Variants in TMEM163 observed in about 807,000 individuals in gnomAD.
TMEM163 encodes transmembrane protein 163.
TMEM163 carries 17 observed loss-of-function variants against 29.3 expected under a neutral mutation model. The observed-to-expected ratio is 0.58, with a 90% confidence interval of 0.40 to 0.87. The LOEUF (loss-of-function observed/expected upper bound fraction) is 0.87. Ranked by LOEUF, TMEM163 falls within the 40% of genes least tolerant of loss-of-function variation. The pLI is 0.00. For missense variants in TMEM163, 303 were observed against 381.5 expected, an observed-to-expected ratio of 0.79 and a Z score of 1.71; for synonymous variants, 157 against 160.6, an observed-to-expected ratio of 0.98 and a Z score of 0.17.
At chr2:134,571,018 T>C (rs1681409864) in intron 2 of TMEM163, among the ~76,000 whole-genome samples, 1 of 152,234 alleles carries the variant, frequency 6.6e-6, no homozygotes, top group Admixed American at 6.5e-5. Flanking sequence ...TGCTACCACA[T>C]ACATATGTCT....
chr2:134,718,962 G>T lies in TMEM163; in HGVS notation c.-27C>A. The T allele has an allele frequency of 9.7e-7, 1 of 1,029,552 alleles. No homozygotes were observed. The highest frequency in any genetic ancestry group is 1.2e-6 in the Non-Finnish European group (1 of 860,418). 63.8% of individuals were successfully genotyped at this position (1,029,552 alleles called of 1,614,324 possible). A position where few individuals can be genotyped will look rare whatever the true frequency, so the allele number is the denominator to read the frequency against. On this transcript the variant is annotated 5_prime_UTR_variant, in exon 1 of 8. Coordinates refer to ENST00000281924, the MANE Select transcript of TMEM163 (RefSeq NM_030923.5). ...GCGCGGGGCTGCGGATCCCGGCGGC[G>T]GCGACGACAAGCGCGGCGGGGACTC...
chr2:134,524,346 C>T (rs507413), intron 4 of TMEM163, among the ~76,000 whole-genome samples: 65,996 of 141,000 alleles, frequency 0.47, 17,699 homozygotes, highest in African/African-American at 0.65. Flanking sequence ...ATATCGATAA[C>T]ATTTAATGCT....
At chr2:134,458,812 G>C (rs79233661) in intron 6 of TMEM163, 12,083 of 152,364 alleles carry the variant, frequency 0.079, 818 homozygotes, top group African/African-American at 0.18. Context: ...CCCTCCAGAA[G>C]AGAAATGTAA....
intron 2 of TMEM163, among the ~76,000 whole-genome samples, chr2:134,576,884 G>T (rs1430428157): frequency 1.3e-5 from 2 of 152,140 alleles, no homozygotes. Context: ...ATTAAACACA[G>T]ACATTAATAT....
intron 4 of TMEM163, among the ~76,000 whole-genome samples, chr2:134,509,109 G>C (rs1034231291): frequency 9.2e-5 from 14 of 152,210 alleles, no homozygotes; most frequent in African/African-American, 3.4e-4. Flanking sequence ...TAAATGATTA[G>C]TCTCTAGAGC....
chr2:134,496,017 A>C (rs1388623094), intron 5 of TMEM163, among the ~76,000 whole-genome samples: 3 of 151,950 alleles, frequency 2.0e-5, no homozygotes, highest in African/African-American at 4.8e-5. Context: ...AGTCGGTTAG[A>C]TCTATAACGA....
In TMEM163 at chr2:134,712,306, A is replaced by G. The variant is rs138475453; in HGVS notation, c.322+894T>C. 1.8e-3 allele frequency among the ~76,000 whole-genome samples: 274 copies of G among 152,334 alleles called. 1 individual carries two copies. Among genetic ancestry groups the G allele is most frequent in the African/African-American group, 6.4e-3 (267 of 41,574 alleles). Reference sequence around the variant, plus strand: ...CCCTTGCAGAATAGAATTTTAAACAACACACACACATAGCTTGTCTTCTAG... The same window carrying G: ...CCCTTGCAGAATAGAATTTTAAACAGCACACACACATAGCTTGTCTTCTAG... On this transcript the variant is annotated intron_variant, in intron 2 of 7. Coordinates refer to ENST00000281924, the MANE Select transcript of TMEM163 (RefSeq NM_030923.5).
At chr2:134,713,528 T>C (rs1573557573) in intron 1 of TMEM163, 14 of 727,490 alleles carry the variant, frequency 1.9e-5, no homozygotes, top group South Asian at 1.9e-4. Context: ...TCTGACAATA[T>C]GGGCCGTGTA....
intron 4 of TMEM163, among the ~76,000 whole-genome samples, chr2:134,549,302 G>A (rs1477417094): frequency 1.3e-5 from 2 of 152,162 alleles, no homozygotes; most frequent in Non-Finnish European, 2.9e-5. Flanking sequence ...GCCTCAAAGA[G>A]GTATTGCAAC....
intron 5 of TMEM163, chr2:134,466,748 A>T (rs551823581): frequency 6.5e-6 from 1 of 153,618 alleles, no homozygotes; most frequent in Admixed American, 6.5e-5. Flanking sequence ...GAGAGTTCAT[A>T]GACATGGGTA....
At chr2:134,716,386 A>G (rs1298969782) in intron 1 of TMEM163, among the ~76,000 whole-genome samples, 1 of 152,216 alleles carries the variant, frequency 6.6e-6, no homozygotes, top group African/African-American at 2.4e-5. Flanking sequence ...CATCATTTCT[A>G]AGGCGCAAAT....
At chr2:134,657,913 T>C (rs1161457275) in intron 2 of TMEM163, among the ~76,000 whole-genome samples, 1 of 152,150 alleles carries the variant, frequency 6.6e-6, no homozygotes, top group Non-Finnish European at 1.5e-5. Context: ...CTATGCTCAT[T>C]ACCTGGGTGA....
chr2:134,533,523 T>C lies in TMEM163; in HGVS notation c.458+17047A>G, dbSNP rs556347061. On this transcript the variant is annotated intron_variant, in intron 4 of 7. Coordinates refer to ENST00000281924, the MANE Select transcript of TMEM163 (RefSeq NM_030923.5). ...TAACATTCATATTAATTGAAACATA[T>C]TGGTTCTACAAATATGTGCCACTGT... 2.6e-5 allele frequency among the ~76,000 whole-genome samples: 4 copies of C among 152,338 alleles called. No individual in the cohort carries two copies. The South Asian group carries it at 6.2e-4, about 24-fold the overall frequency.
chr2:134,675,246 C>A (rs1684090464), intron 2 of TMEM163, among the ~76,000 whole-genome samples: 1 of 152,118 alleles, frequency 6.6e-6, no homozygotes, highest in African/African-American at 2.4e-5. Flanking sequence ...AAAATACACA[C>A]CAAATATTAG....
chr2:134,647,912 G>C (rs185695704), intron 2 of TMEM163, among the ~76,000 whole-genome samples: 28 of 152,312 alleles, frequency 1.8e-4, no homozygotes, highest in Non-Finnish European at 3.8e-4. Context: ...GCATCTAGGA[G>C]GGTGCCCACG....
chr2:134,674,638 G>A (rs866483942), intron 2 of TMEM163, among the ~76,000 whole-genome samples: 5 of 152,052 alleles, frequency 3.3e-5, no homozygotes, highest in Admixed American at 6.5e-5. Context: ...GATTACAGGC[G>A]TGAGCCACTG....
chr2:134,488,285 G>A (rs948636819), intron 5 of TMEM163, among the ~76,000 whole-genome samples: 1 of 152,170 alleles, frequency 6.6e-6, no homozygotes, highest in Non-Finnish European at 1.5e-5. Context: ...GCCTCCCAAA[G>A]TAAAAAGAGA....
intron 2 of TMEM163, among the ~76,000 whole-genome samples, chr2:134,691,403 A>G (rs942941540): frequency 5.3e-5 from 8 of 152,012 alleles, no homozygotes; most frequent in Non-Finnish European, 8.8e-5. Context: ...CCATTCTCCA[A>G]TCCGGGTTTC....
At chr2:134,699,168 A>AT (rs1684642319) in intron 2 of TMEM163, among the ~76,000 whole-genome samples, 1 of 152,180 alleles carries the variant, frequency 6.6e-6, no homozygotes, top group Non-Finnish European at 1.5e-5. Context: ...CAATTATTTT[A>AT]TTTTCTAGTA....
Sources: gnomAD v4.1 joint callset for allele counts (sites outside exome capture counted in the v4.1 genomes callset) on GRCh38, gnomAD v4.1.1 for gene constraint, MANE v1.5 for transcripts, NCBI Gene and HGNC (gene_info 2026-07-23, HGNC 2026-07-21) for gene names.